Variants in PTPRD observed in about 807,000 individuals in gnomAD.
PTPRD encodes the protein receptor-type tyrosine-protein phosphatase delta.
A neutral mutation model predicts 214.5 loss-of-function variants in PTPRD; 34 were observed. The observed-to-expected ratio is 0.16, with a 90% CI of 0.12 to 0.21. The LOEUF (loss-of-function observed/expected upper bound fraction) is 0.21. PTPRD is among the 10% of genes least tolerant of loss of function. The pLI, the probability that PTPRD is intolerant of heterozygous loss-of-function variation, is 1.00. For missense variants in PTPRD, 2,545 were observed against 2,398.7 expected (o/e 1.06, Z -1.27); for synonymous variants, 1,128 against 845.7 (o/e 1.33, Z -5.79).
chr9:9,608,754 C>T (rs1477268293), intron 7 of PTPRD, among the ~76,000 whole-genome samples: 2 of 152,206 alleles, frequency 1.3e-5, no homozygotes, highest in Admixed American at 6.5e-5. Flanking sequence ...ACTTAACTTG[C>T]TTCATGATTT....
At chr9:9,639,011 G>A (rs2095856227) in intron 7 of PTPRD, among the ~76,000 whole-genome samples, 2 of 152,068 alleles carry the variant, frequency 1.3e-5, no homozygotes, top group African/African-American at 4.8e-5. Flanking sequence ...CCTCCCAAAA[G>A]GCCCCACCTC....
rs151251836 is a variant in PTPRD, at chr9:10,604,905, A to G, written c.-600+7493T>C. Reference sequence around the variant, plus strand: ...AAGTTTTTTGAAGGTGAAACAATATATCATCTTGGCACTGTTTTTCAAAAG... The same window carrying G: ...AAGTTTTTTGAAGGTGAAACAATATGTCATCTTGGCACTGTTTTTCAAAAG... On this transcript the variant is annotated intron_variant, in intron 2 of 45. Coordinates refer to ENST00000381196, the MANE Select transcript of PTPRD (RefSeq NM_002839.4). 1.8e-3 allele frequency among the ~76,000 whole-genome samples: 268 copies of G among 152,050 alleles called. 1 individual carries two copies. The highest frequency in any genetic ancestry group is 3.4e-3 in the Admixed American group (52 of 15,236).
chr9:9,299,073 T>A (rs1433810841), intron 9 of PTPRD, among the ~76,000 whole-genome samples: 1 of 151,772 alleles, frequency 6.6e-6, no homozygotes, highest in Non-Finnish European at 1.5e-5. Context: ...TCCTGACTAT[T>A]GGCAGATGAA....
chr9:9,044,100 C>T (rs452629), intron 10 of PTPRD, among the ~76,000 whole-genome samples: 38,473 of 151,900 alleles, frequency 0.25, 5,631 homozygotes, highest in Middle Eastern at 0.32. Flanking sequence ...TAAACTTCCA[C>T]AAAGACAATT....
At chr9:9,835,475 T>C (rs2056477448) in intron 5 of PTPRD, among the ~76,000 whole-genome samples, 1 of 152,146 alleles carries the variant, frequency 6.6e-6, no homozygotes, top group African/African-American at 2.4e-5. Context: ...ATGTACATTG[T>C]ATTGTTGGCA....
chr9:9,302,203 T>C, intron 9 of PTPRD, among the ~76,000 whole-genome samples: 1 of 151,936 alleles, frequency 6.6e-6, no homozygotes, highest in East Asian at 1.9e-4. Context: ...TTTTTTTAAA[T>C]TGCTTTTTTT....
chr9:10,411,902 A>T (rs995421781), intron 2 of PTPRD, among the ~76,000 whole-genome samples: 10 of 151,840 alleles, frequency 6.6e-5, no homozygotes, highest in African/African-American at 2.4e-4. Context: ...ACCATTTCAA[A>T]TATTTATGAT....
intron 10 of PTPRD, among the ~76,000 whole-genome samples, chr9:9,164,880 CA>C (rs373786428): frequency 0.034 from 4,753 of 140,524 alleles, 267 homozygotes; most frequent in African/African-American, 0.12. Flanking sequence ...CAAAACAAAA[CA>C]AAACAAACAA....
Position 9,917,452 on chromosome 9 carries a change from TAAAA to T in PTPRD, c.-368+21051_-368+21054del, listed in dbSNP as rs112904497. 4.4e-3 allele frequency among the ~76,000 whole-genome samples: 557 copies of T among 127,618 alleles called. 4 individuals carry two copies. Among genetic ancestry groups the T allele is most frequent in the African/African-American group, 0.015 (521 of 35,354 alleles). The allele number at this position is 127,618 out of a possible 152,430, so 83.7% of individuals were successfully genotyped here. A position where few individuals can be genotyped will look rare whatever the true frequency, so the allele number is the denominator to read the frequency against. ...ACATTTTAAAATCCAGAAAATTTCC[TAAAA>T]AAAAAAAAAAAAAAAATCCAGGACC... On this transcript the variant is annotated intron_variant, in intron 5 of 45. Transcript: ENST00000381196.
At chr9:9,354,602 C>T (rs2052940615) in intron 9 of PTPRD, among the ~76,000 whole-genome samples, 1 of 151,696 alleles carries the variant, frequency 6.6e-6, no homozygotes, top group South Asian at 2.1e-4. Flanking sequence ...GTAGAACTTA[C>T]ATGCTATTGG....
intron 8 of PTPRD, among the ~76,000 whole-genome samples, chr9:9,510,762 C>G (rs2096684438): frequency 6.6e-6 from 1 of 151,454 alleles, no homozygotes; most frequent in Non-Finnish European, 1.5e-5. Flanking sequence ...CTTGATTTAC[C>G]ACCTCATTAT....
At chr9:9,955,205 G>A (rs536989329) in intron 4 of PTPRD, among the ~76,000 whole-genome samples, 11 of 152,136 alleles carry the variant, frequency 7.2e-5, no homozygotes, top group Non-Finnish European at 1.3e-4. Flanking sequence ...CACTGGAAAG[G>A]GAGCATGAAA....
At chr9:9,120,665 G>A (rs890549815) in intron 10 of PTPRD, among the ~76,000 whole-genome samples, 1 of 152,166 alleles carries the variant, frequency 6.6e-6, no homozygotes, top group African/African-American at 2.4e-5. Flanking sequence ...CATCTTCTCA[G>A]GTCCCAGCAC....
chr9:10,561,245 GT>G (rs1210221139), intron 2 of PTPRD, among the ~76,000 whole-genome samples: 46 of 152,096 alleles, frequency 3.0e-4, no homozygotes, highest in African/African-American at 9.9e-4. Context: ...AGTAGGAATA[GT>G]AGCACTTATC....
rs71485315 is a variant in PTPRD at position 10,078,514 on chromosome 9, TAA to T, written c.-544-44726_-544-44725del. ...CTGGGCGACAGACCAAGACTCCATCTAAAAAAAAAAAAAAAAAAAAAAAAGAA... is the reference window on the plus strand; with the variant it reads ...CTGGGCGACAGACCAAGACTCCATCTAAAAAAAAAAAAAAAAAAAAAAGAA... On this transcript the variant is annotated intron_variant, in intron 3 of 45. Coordinates refer to ENST00000381196, the MANE Select transcript of PTPRD (RefSeq NM_002839.4). 6.9e-3 allele frequency among the ~76,000 whole-genome samples: 540 copies of T among 78,760 alleles called. 5 individuals carry two copies. Among genetic ancestry groups the T allele is most frequent in the African/African-American group, 0.024 (481 of 20,036 alleles). 51.7% of individuals were successfully genotyped at this position (78,760 alleles called of 152,430 possible).
chr9:10,505,707 A>G (rs2045708057), intron 2 of PTPRD, among the ~76,000 whole-genome samples: 1 of 152,008 alleles, frequency 6.6e-6, no homozygotes. Flanking sequence ...AAAACTGCAG[A>G]TTAAACCCAG....
chr9:10,291,162 A>C (rs1234410326), intron 3 of PTPRD, among the ~76,000 whole-genome samples: 2 of 151,980 alleles, frequency 1.3e-5, no homozygotes, highest in Non-Finnish European at 2.9e-5. Flanking sequence ...ATAGAGACTC[A>C]CAGACAGATG....
intron 8 of PTPRD, among the ~76,000 whole-genome samples, chr9:9,506,867 G>C (rs1448323050): frequency 6.6e-6 from 1 of 151,282 alleles, no homozygotes; most frequent in Non-Finnish European, 1.5e-5. Context: ...TGTTAACAAG[G>C]CTGGTTAACA....
At chr9:9,365,446 T>A (rs1484243674) in intron 9 of PTPRD, among the ~76,000 whole-genome samples, 1 of 151,544 alleles carries the variant, frequency 6.6e-6, no homozygotes, top group Non-Finnish European at 1.5e-5. Context: ...ATATTGAAAA[T>A]ATAAACAGTT....
Sources: gnomAD v4.1 joint callset for allele counts (sites outside exome capture counted in the v4.1 genomes callset) on GRCh38, gnomAD v4.1.1 for gene constraint, MANE v1.5 for transcripts, NCBI Gene and HGNC (gene_info 2026-07-23, HGNC 2026-07-21) for gene names.